FANCA: variants seen among roughly 807,000 people sequenced by gnomAD.
FANCA encodes FA complementation group A, also known as Fanconi anemia group A protein.
Under a neutral mutation model 194.3 loss-of-function variants are expected in FANCA, and 236 were observed. That is an observed-to-expected ratio of 1.21 (90% CI 1.09 to 1.35). FANCA has a LOEUF of 1.35. Ranked by LOEUF, FANCA falls within the 40% of genes most tolerant of loss-of-function variation. FANCA has a pLI of 0.00. For missense variants in FANCA, 2,628 were observed against 1,813.9 expected, an observed-to-expected ratio of 1.45 and a Z score of -8.15; for synonymous variants, 1,014 against 715.8, an observed-to-expected ratio of 1.42 and a Z score of -6.65.
intron 17 of FANCA, among the ~76,000 whole-genome samples, chr16:89,781,365 A>AAAAC (rs764208552): frequency 4.7e-5 from 3 of 64,280 alleles, no homozygotes; most frequent in African/African-American, 6.7e-5. Context: ...CTCCATTCCA[A>AAAAC]AAAAAAAAAA....
rs17232910 is a variant in FANCA, at chr16:89,773,358, G to C, written c.1927C>G (p.Pro643Ala). 0.078 allele frequency: 120,997 copies of C among 1,550,812 alleles called. 5,683 individuals are homozygous for C. The highest frequency in any genetic ancestry group is 0.17 in the East Asian group (7,042 of 40,894). Reference protein sequence around the residue: ...EDAALGVRAEPNSAEEPLGQL... With the variant: ...EDAALGVRAEANSAEEPLGQL... ...CCCAGGGGCTCCTCAGCAGAGTTGG[G>C]TTCTGCCCTCACTCCCAGGGCTGCA... The change falls in exon 22 of 43, where the codon CCC (proline) becomes GCC (alanine). Residue 643 changes from proline to alanine, a missense_variant. Pro to Ala is a conservative substitution (Grantham distance 27, BLOSUM62 -1). Transcript: ENST00000389301.
At chr16:89,767,086 T>C in intron 27 of FANCA, 55 bp downstream of exon 27, 1 of 1,399,184 alleles carries the variant, frequency 7.1e-7, no homozygotes. Context: ...GTCCGAAAGC[T>C]GCGTAAACCT....
chr16:89,772,138 G>A (rs572556725), intron 22 of FANCA, among the ~76,000 whole-genome samples: 9 of 152,218 alleles, frequency 5.9e-5, no homozygotes, highest in Non-Finnish European at 1.2e-4. Flanking sequence ...ATCTGCCTAA[G>A]CGCATGCCAG....
rs560907363 is a variant in FANCA, at chr16:89,815,279, T to C, written c.189+598A>G. ...CTCGAACTCCTAACCTCAAGTGATCTACCCACTTCGGCCTCCCAAAGGGCT... is the reference window on the plus strand; with the variant it reads ...CTCGAACTCCTAACCTCAAGTGATCCACCCACTTCGGCCTCCCAAAGGGCT... On this transcript the variant is annotated intron_variant, in intron 2 of 42. Coordinates refer to ENST00000389301, the MANE Select transcript of FANCA (RefSeq NM_000135.4). Among the ~76,000 whole-genome samples, 8 of 145,220 alleles carry C rather than the reference T, an allele frequency of 5.5e-5. 1 individual carries two copies. The South Asian group carries it at 1.9e-3, about 34-fold the overall frequency.
intron 30 of FANCA, among the ~76,000 whole-genome samples, chr16:89,756,126 C>CAT (rs1218615608): frequency 2.6e-5 from 4 of 152,160 alleles, no homozygotes; most frequent in Non-Finnish European, 5.9e-5. Flanking sequence ...GGATTACTGT[C>CAT]ATATATGTGG....
rs141422170 is a variant in FANCA at position 89,745,049 on chromosome 16, G to C, written c.3536C>G (p.Pro1179Arg). The C allele has an allele frequency of 1.4e-5, 22 of 1,607,688 alleles. No individual in the cohort carries two copies. In the Admixed American group the frequency reaches 1.7e-4, roughly 12 times the overall value. The change falls in exon 36 of 43, where the codon CCT becomes CGT. Residue 1179 changes from proline to arginine, a missense_variant. Pro to Arg is a moderately radical substitution (Grantham distance 103). Coordinates refer to ENST00000389301, the MANE Select transcript of FANCA (RefSeq NM_000135.4). ...SALVWWPSLE[P>R]VLLCRWRRHC... ...TCTCCTCCACCGGCAGAGCAGCACA[G>C]GCTCCAGGCTCGGCCACCACACCTA...
At position 89,738,600 on chromosome 16, in the gene FANCA, G is replaced by A. The variant is rs370357192; in HGVS notation, c.*1C>T. 123 of 1,612,790 alleles carry A rather than the reference G, an allele frequency of 7.6e-5. No homozygotes were observed. Among genetic ancestry groups the A allele is most frequent in the Middle Eastern group, 1.8e-4 (1 of 5,526 alleles). On this transcript the variant is annotated 3_prime_UTR_variant, in exon 43 of 43. Coordinates refer to ENST00000389301, the MANE Select transcript of FANCA (RefSeq NM_000135.4). ...GGGCTGGTGTGCAGTGGCAGGTCCCGTCAGAAGAGATGAGGCTCCTGGGAC... is the reference window on the plus strand; with the variant it reads ...GGGCTGGTGTGCAGTGGCAGGTCCCATCAGAAGAGATGAGGCTCCTGGGAC...
At chr16:89,799,009 G>A (rs1267741526) in intron 10 of FANCA, 157 bp downstream of exon 10, 3 of 1,614,192 alleles carry the variant, frequency 1.9e-6, no homozygotes, top group Non-Finnish European at 2.5e-6. Context: ...GCTTTCCCAT[G>A]GTCGCCTCCT....
chr16:89,807,746 G>A (rs1480095046), intron 6 of FANCA, among the ~76,000 whole-genome samples: 1 of 152,128 alleles, frequency 6.6e-6, no homozygotes, highest in Non-Finnish European at 1.5e-5. Flanking sequence ...AGCCAGGCGT[G>A]GTGGCGGACG....
intron 30 of FANCA, among the ~76,000 whole-genome samples, chr16:89,756,557 C>T (rs191957797): frequency 1.2e-4 from 18 of 152,034 alleles, no homozygotes; most frequent in Non-Finnish European, 2.5e-4. Context: ...CCCAGGAGGT[C>T]GAGGCTGCAG....
rs774948790 is a variant in FANCA at position 89,792,536 on chromosome 16, C to T, written c.1018G>A (p.Val340Ile). 84 of 1,612,888 alleles carry T rather than the reference C, an allele frequency of 5.2e-5. No individual in the cohort carries two copies. Among genetic ancestry groups the T allele is most frequent in the Non-Finnish European group, 6.9e-5 (81 of 1,179,808 alleles). Residue 340 changes from valine to isoleucine, a missense_variant, in exon 12 of 43, where the codon GTT becomes ATT. Val to Ile is a conservative substitution (Grantham distance 29). Coordinates refer to ENST00000389301, the MANE Select transcript of FANCA (RefSeq NM_000135.4). ...AAGCTCCACTCTCTCTGCATCTGAA[C>T]AGCATCAGATGCTGCAGGGGGAGAA... ...HSPVLKASDA[V>I]QMQREWSFAR...
chr16:89,761,212 G>A (rs2038939770), intron 29 of FANCA, among the ~76,000 whole-genome samples: 1 of 152,148 alleles, frequency 6.6e-6, no homozygotes, highest in South Asian at 2.1e-4. Context: ...GAGGTCAGGA[G>A]ATTGAGACCA....
intron 20 of FANCA, 129 bp from the exon 21 acceptor site, chr16:89,775,944 TGAGCCTG>T: frequency 4.3e-6 from 2 of 470,300 alleles, no homozygotes; most frequent in Non-Finnish European, 7.4e-6. Context: ...GTGTACAGTA[TGAGCCTG>T]TTTTTACAAA....
intron 35 of FANCA, among the ~76,000 whole-genome samples, chr16:89,746,180 A>T (rs1053241886): frequency 1.2e-4 from 18 of 152,202 alleles, no homozygotes; most frequent in African/African-American, 3.9e-4. Context: ...GTCCCAAGAA[A>T]GCATAGTCAG....
intron 18 of FANCA, among the ~76,000 whole-genome samples, chr16:89,779,504 G>A (rs1430414640): frequency 6.6e-6 from 1 of 151,910 alleles, no homozygotes; most frequent in East Asian, 1.9e-4. Flanking sequence ...CCCAGTGCAA[G>A]CTCCCCAATC....
chr16:89,747,749 G>A (rs1333987138), intron 33 of FANCA, among the ~76,000 whole-genome samples: 2 of 152,070 alleles, frequency 1.3e-5, no homozygotes. Context: ...ATGCTGCACA[G>A]CTGGCATGGA....
Position 89,778,816 on chromosome 16 carries a change from A to G in FANCA, c.1811T>C (p.Ile604Thr), listed in dbSNP as rs1555551989. 6.2e-7 allele frequency: 1 copy of G among 1,614,082 alleles called. No individual in the cohort carries two copies. The highest frequency in any genetic ancestry group is 8.5e-7 in the Non-Finnish European group (1 of 1,180,004). ...PKVPDSRVAFIESLKRADKIP... is the reference protein window; with the variant it reads ...PKVPDSRVAFTESLKRADKIP... ...TGCTGCATACCTCTTCAGAGACTCT[A>G]TAAACGCCACACGGGAGTCAGGGAC... is the stretch of plus-strand genomic sequence containing the variant. Residue 604 changes from isoleucine to threonine, a missense_variant, in exon 20 of 43, where the codon ATA becomes ACA. Ile to Thr is a moderately conservative substitution (Grantham distance 89). Transcript: ENST00000389301.
intron 39 of FANCA, 129 bp downstream of exon 39, chr16:89,739,865 C>T (rs765971755): frequency 3.9e-6 from 6 of 1,541,124 alleles, no homozygotes; most frequent in South Asian, 1.3e-5. Flanking sequence ...CTTAATCTGT[C>T]CCAACTAAAA....
chr16:89,740,678 C>G (rs982457572), intron 38 of FANCA, 126 bp downstream of exon 38: 2 of 722,488 alleles, frequency 2.8e-6, no homozygotes, highest in Non-Finnish European at 4.8e-6. Flanking sequence ...AGTTCTCACT[C>G]ACACTTCCGC....
Sources: gnomAD v4.1 joint callset for allele counts (sites outside exome capture counted in the v4.1 genomes callset) on GRCh38, gnomAD v4.1.1 for gene constraint, MANE v1.5 for transcripts, NCBI Gene and HGNC (gene_info 2026-07-23, HGNC 2026-07-21) for gene names.